BCAS3: variants seen among roughly 807,000 people sequenced by gnomAD.
BCAS3 encodes the protein BCAS3 microtubule associated cell migration factor, also known as BCAS4/BCAS3 fusion.
Under a neutral mutation model 116.1 loss-of-function variants are expected in BCAS3, and 53 were observed. The ratio of observed to expected loss-of-function variants is 0.46; its 90% CI spans 0.37 to 0.57. BCAS3 has a LOEUF of 0.57. Ranked by LOEUF, BCAS3 falls within the 20% of genes least tolerant of loss-of-function variation. The pLI is 0.00. For missense variants in BCAS3, 917 were observed against 1,165.4 expected (o/e 0.79, Z 3.10); for synonymous variants, 391 against 408.2 (o/e 0.96, Z 0.51).
chr17:60,812,979 G>A (rs2144646419), intron 7 of BCAS3, among the ~76,000 whole-genome samples: 1 of 152,206 alleles, frequency 6.6e-6, no homozygotes, highest in East Asian at 1.9e-4. Flanking sequence ...CTGGCTTCAA[G>A]CAATCCTCCT....
chr17:60,984,248 A>G (rs2145410577), intron 14 of BCAS3, among the ~76,000 whole-genome samples: 1 of 152,324 alleles, frequency 6.6e-6, no homozygotes, highest in South Asian at 2.1e-4. Context: ...CTTGATACAT[A>G]AGACTAAAAT....
intron 7 of BCAS3, among the ~76,000 whole-genome samples, chr17:60,814,206 A>G (rs1246449730): frequency 6.6e-6 from 1 of 150,778 alleles, no homozygotes; most frequent in Non-Finnish European, 1.5e-5. Flanking sequence ...GCTTTCTTTC[A>G]GCATTGTCTT....
rs1379930768 is a variant in BCAS3 at position 61,278,810 on chromosome 17, G to A, written c.2426-89517G>A. Among the ~76,000 whole-genome samples the A allele has an allele frequency of 2.0e-5, 3 of 152,174 alleles. No homozygotes were observed. The East Asian group carries it at 5.8e-4, about 29-fold the overall frequency. On this transcript the variant is annotated intron_variant, in intron 22 of 23. Coordinates refer to ENST00000407086, the MANE Select transcript of BCAS3 (RefSeq NM_017679.5). The surrounding 1 kb of genome is among the most constrained non-coding windows in gnomAD (Gnocchi z 5.8). Reference sequence around the variant, plus strand: ...AAAGTAGATTAGTAGTGGTTTCCTAGGACTTGGGGATATGGGGAGATTGGG... The same window carrying A: ...AAAGTAGATTAGTAGTGGTTTCCTAAGACTTGGGGATATGGGGAGATTGGG...
At chr17:61,058,420 T>G (rs113159586) in intron 19 of BCAS3, among the ~76,000 whole-genome samples, 4 of 152,228 alleles carry the variant, frequency 2.6e-5, no homozygotes, top group African/African-American at 9.6e-5. Flanking sequence ...TGAAATCTGG[T>G]CAAAGCTGAG....
At chr17:60,929,256 C>G (rs2059513847) in intron 13 of BCAS3, among the ~76,000 whole-genome samples, 2 of 152,096 alleles carry the variant, frequency 1.3e-5, no homozygotes, top group African/African-American at 4.8e-5. Context: ...GATCCTGTAT[C>G]TAAAAAAAAT....
At chr17:60,777,497 G>T (rs774701370) in intron 6 of BCAS3, among the ~76,000 whole-genome samples, 2 of 151,436 alleles carry the variant, frequency 1.3e-5, no homozygotes, top group African/African-American at 2.4e-5. Context: ...GTGGTGGTGG[G>T]CGCCTGTAAT....
In BCAS3 at chr17:61,126,144, A is replaced by G. The variant is rs2076035315; in HGVS notation, c.2425+41580A>G. On this transcript the variant is annotated intron_variant, in intron 22 of 23. Transcript: ENST00000407086. This position sits in a 1 kb window ranked among gnomAD's most constrained non-coding sequence, Gnocchi z 4.6. The stretch of plus-strand genomic sequence containing the variant: ...TATCCTTAAAACTAATGTTTCTATA[A>G]CCTCTGACCGAATACAGAAGATCCA... Among the ~76,000 whole-genome samples, 1 of 152,166 alleles carries G rather than the reference A, an allele frequency of 6.6e-6. No individual in the cohort carries two copies. The highest frequency in any genetic ancestry group is 1.9e-4 in the East Asian group (1 of 5,194).
intron 22 of BCAS3, among the ~76,000 whole-genome samples, chr17:61,170,056 C>T (rs536309804): frequency 1.3e-4 from 19 of 151,404 alleles, no homozygotes; most frequent in African/African-American, 4.4e-4. Context: ...GGTTTCACCA[C>T]GTTGGCCAGG....
At chr17:60,944,774 A>T (rs539137744) in intron 13 of BCAS3, among the ~76,000 whole-genome samples, 1 of 152,320 alleles carries the variant, frequency 6.6e-6, no homozygotes, top group East Asian at 1.9e-4. Context: ...AAGAGAAGCC[A>T]CATAATCATT....
chr17:60,773,856 A>G (rs1206936363), intron 6 of BCAS3, among the ~76,000 whole-genome samples: 1 of 152,148 alleles, frequency 6.6e-6, no homozygotes, highest in Non-Finnish European at 1.5e-5. Context: ...CGTATTTCCC[A>G]GGCTGGTCTC....
At chr17:61,250,052 A>G (rs558596834) in intron 22 of BCAS3, among the ~76,000 whole-genome samples, 207 of 152,286 alleles carry the variant, frequency 1.4e-3, no homozygotes, top group Admixed American at 2.2e-3. Flanking sequence ...CTGCTTTTCT[A>G]TAAGGAAGGT....
At chr17:60,701,680 C>T (rs554065653) in intron 4 of BCAS3, among the ~76,000 whole-genome samples, 4 of 152,042 alleles carry the variant, frequency 2.6e-5, no homozygotes, top group Admixed American at 6.6e-5. Flanking sequence ...CAAATCTAGG[C>T]CAGGCACGGT....
Position 61,391,209 on chromosome 17 carries a change from C to CA in BCAS3, c.2594-767dup. The stretch of plus-strand genomic sequence containing the variant: ...AGGTGGCAACATGGATGTGCAGGGC[C>CA]AGGGAGGCAGAGGAGGAGGAGGGCG... On this transcript the variant is annotated intron_variant, in intron 23 of 23. Coordinates refer to ENST00000407086, the MANE Select transcript of BCAS3 (RefSeq NM_017679.5). The surrounding 1 kb of genome is among the most constrained non-coding windows in gnomAD (Gnocchi z 7.7). The CA allele has an allele frequency of 6.6e-6, 1 of 152,540 alleles. No individual in the cohort carries two copies. The highest frequency in any genetic ancestry group is 6.5e-5 in the Admixed American group (1 of 15,292). The allele number at this position is 152,540 out of a possible 1,614,324, so 9.4% of individuals were successfully genotyped here.
Position 60,783,706 on chromosome 17 carries a change from A to G in BCAS3, c.404-24298A>G, listed in dbSNP as rs74849535. On this transcript the variant is annotated intron_variant, in intron 6 of 23. Transcript: ENST00000407086. Reference sequence around the variant, plus strand: ...ATACAGTATTCCTCATAATAGCTACATAACAGTTTTCCCATCATTAACTTC... The same window carrying G: ...ATACAGTATTCCTCATAATAGCTACGTAACAGTTTTCCCATCATTAACTTC... Among the ~76,000 whole-genome samples, 203 of 152,362 alleles carry G rather than the reference A, an allele frequency of 1.3e-3. 4 individuals carry two copies. The East Asian group carries it at 0.038, about 28-fold the overall frequency.
intron 6 of BCAS3, among the ~76,000 whole-genome samples, chr17:60,782,878 G>A (rs547724264): frequency 6.6e-6 from 1 of 151,932 alleles, no homozygotes; most frequent in African/African-American, 2.4e-5. Context: ...ATGAGCCACC[G>A]CACCCAGCCA....
intron 7 of BCAS3, among the ~76,000 whole-genome samples, chr17:60,852,907 A>C (rs2053303281): frequency 6.6e-6 from 1 of 152,212 alleles, no homozygotes; most frequent in Non-Finnish European, 1.5e-5. Context: ...AAAACTTAAC[A>C]TACTCATACC....
At chr17:61,030,823 AGTT>A (rs1049372480) in intron 16 of BCAS3, among the ~76,000 whole-genome samples, 4 of 151,982 alleles carry the variant, frequency 2.6e-5, no homozygotes, top group African/African-American at 9.7e-5. Context: ...TTTGCTCAAA[AGTT>A]AAGTCAAATT....
chr17:60,918,628 G>C (rs2058901268), intron 12 of BCAS3, among the ~76,000 whole-genome samples: 1 of 151,040 alleles, frequency 6.6e-6, no homozygotes, highest in African/African-American at 2.4e-5. Context: ...AGTTTGAAAG[G>C]CCTGTCTGTC....
intron 5 of BCAS3, among the ~76,000 whole-genome samples, chr17:60,743,238 G>A (rs926201387): frequency 6.6e-6 from 1 of 151,966 alleles, no homozygotes; most frequent in South Asian, 2.1e-4. Context: ...TGTGAAAGAA[G>A]CCATTCCCAA....
Sources: allele counts gnomAD v4.1 joint callset (sites outside exome capture counted in the v4.1 genomes callset), GRCh38; gene constraint gnomAD v4.1.1; non-coding constraint Gnocchi (gnomAD v3.1); transcripts MANE v1.5; gene names NCBI Gene and HGNC (gene_info 2026-07-23, HGNC 2026-07-21).